Variants in RYR3 observed in about 807,000 individuals in gnomAD.
RYR3 encodes ryanodine receptor 3.
RYR3 carries 207 observed loss-of-function variants against 584.3 expected under a neutral mutation model. The observed-to-expected ratio is 0.35, with a 90% CI of 0.32 to 0.40. The LOEUF is 0.40. Ranked by LOEUF, RYR3 falls within the 10% of genes least tolerant of loss-of-function variation. RYR3 has a pLI of 1.00. For synonymous variants in RYR3, 2,416 were observed against 2,248.5 expected, an observed-to-expected ratio of 1.07 and a Z score of -2.11; for missense variants, 5,616 against 6,089.2, an observed-to-expected ratio of 0.92 and a Z score of 2.59.
At chr15:33,773,452 C>T (rs1326632078) in intron 63 of RYR3, 82 bp from the exon 64 acceptor site, 7 of 907,632 alleles carry the variant, frequency 7.7e-6, no homozygotes, top group Non-Finnish European at 1.2e-5. Flanking sequence ...TACTGATGCT[C>T]ATGCATTTTT....
intron 3 of RYR3, among the ~76,000 whole-genome samples, chr15:33,529,570 T>C (rs903926792): frequency 2.0e-5 from 3 of 152,168 alleles, no homozygotes; most frequent in Non-Finnish European, 4.4e-5. Context: ...GCTAGAATTA[T>C]CTTCATAATT....
At chr15:33,725,690 T>C (rs1596322743) in intron 45 of RYR3, among the ~76,000 whole-genome samples, 1 of 151,322 alleles carries the variant, frequency 6.6e-6, no homozygotes, top group East Asian at 2.0e-4. Context: ...CCAGGCGTGG[T>C]GGTTTACGCC....
intron 1 of RYR3, among the ~76,000 whole-genome samples, chr15:33,360,163 T>C (rs961767870): frequency 6.6e-6 from 1 of 152,170 alleles, no homozygotes; most frequent in Non-Finnish European, 1.5e-5. Flanking sequence ...ATCACTTGAA[T>C]GCAAAAATAG....
rs543509946 is a variant in RYR3 at position 33,841,993 on chromosome 15, C to T, written c.13167C>T (p.Ala4389=). ...TTGAGAAGCCGGAAGCTTTCACAGCCAATTTCTTTAAAGGGCTGGAAATCT... is the reference window on the plus strand; with the variant it reads ...TTGAGAAGCCGGAAGCTTTCACAGCTAATTTCTTTAAAGGGCTGGAAATCT... The part of the protein sequence containing the change: ...QKVEKPEAFT[A]NFFKGLEIYQ... The change falls in exon 91 of 104, where the codon GCC becomes GCT. Residue 4389 remains alanine (A), a synonymous_variant. Transcript: ENST00000634891. The T allele has an allele frequency of 9.0e-5, 145 of 1,603,744 alleles. 1 individual carries two copies. In the East Asian group the frequency reaches 3.0e-3, roughly 34 times the overall value.
chr15:33,702,909 T>A (rs987206966), intron 42 of RYR3, among the ~76,000 whole-genome samples: 1 of 152,112 alleles, frequency 6.6e-6, no homozygotes, highest in African/African-American at 2.4e-5. Flanking sequence ...ACACATTTTT[T>A]TCTTCGTGTC....
intron 1 of RYR3, among the ~76,000 whole-genome samples, chr15:33,425,758 C>T (rs1351088417): frequency 6.6e-6 from 1 of 151,452 alleles, no homozygotes; most frequent in East Asian, 2.0e-4. Context: ...TCTCCTGCCT[C>T]AGCCTCCCGA....
chr15:33,853,469 G>A, intron 95 of RYR3, 86 bp from the exon 96 acceptor site: 1 of 1,500,162 alleles, frequency 6.7e-7, no homozygotes, highest in Non-Finnish European at 9.0e-7. Context: ...TTGCCCATAG[G>A]GCAGCAAAGC....
chr15:33,771,003 A>G (rs1191727311), intron 62 of RYR3, among the ~76,000 whole-genome samples: 1 of 152,226 alleles, frequency 6.6e-6, no homozygotes, highest in Non-Finnish European at 1.5e-5. Context: ...TCAAATCTCC[A>G]TAGCTGATCT....
chr15:33,577,994 C>G (rs1451142075), intron 12 of RYR3, among the ~76,000 whole-genome samples: 1 of 152,132 alleles, frequency 6.6e-6, no homozygotes, highest in Non-Finnish European at 1.5e-5. Context: ...ATGTGGCCAA[C>G]AAACATAGGA....
intron 1 of RYR3, among the ~76,000 whole-genome samples, chr15:33,356,031 A>T (rs764130961): frequency 6.6e-6 from 1 of 152,148 alleles, no homozygotes; most frequent in Non-Finnish European, 1.5e-5. Context: ...TTTCCTGCAG[A>T]TGGATGGCGG....
chr15:33,397,546 A>T (rs570045789), intron 1 of RYR3, among the ~76,000 whole-genome samples: 1 of 152,308 alleles, frequency 6.6e-6, no homozygotes, highest in South Asian at 2.1e-4. Flanking sequence ...TCTCTTGTCC[A>T]ATCAGAGCCG....
At chr15:33,834,648 C>T (rs2152976208) in intron 86 of RYR3, among the ~76,000 whole-genome samples, 1 of 152,222 alleles carries the variant, frequency 6.6e-6, no homozygotes, top group East Asian at 1.9e-4. Flanking sequence ...TGCCCTTCAG[C>T]CCTGTGTCAA....
chr15:33,636,537 C>A lies in RYR3; in HGVS notation c.3543C>A (p.Tyr1181Ter). Residue 1181 changes from tyrosine to a stop codon, truncating the protein, a stop_gained, in exon 27 of 104, where the codon TAC becomes TAA. Transcript: ENST00000634891. LOFTEE classifies it high-confidence loss of function. ...GCTCTGAACTTGCCTTCGCTGACTA[C>A]GAGATTGAGAATGGTAAATCTAACA... Reference protein sequence around the residue: ...NKGSELAFADYEIENGFVPIC... With the variant: ...NKGSELAFAD 1.3e-6 allele frequency: 2 copies of A among 1,592,052 alleles called. No homozygotes were observed. Among genetic ancestry groups the A allele is most frequent in the Non-Finnish European group, 1.7e-6 (2 of 1,170,174 alleles).
At chr15:33,417,161 G>A (rs903046344) in intron 1 of RYR3, among the ~76,000 whole-genome samples, 4 of 152,100 alleles carry the variant, frequency 2.6e-5, no homozygotes, top group Middle Eastern at 3.4e-3. Flanking sequence ...TAGGCTTGCC[G>A]TGGCTATTTG....
At chr15:33,378,448 G>T (rs568091605) in intron 1 of RYR3, among the ~76,000 whole-genome samples, 4 of 152,314 alleles carry the variant, frequency 2.6e-5, no homozygotes, top group African/African-American at 9.6e-5. Flanking sequence ...CAGGCATCTG[G>T]CATTGTAGGT....
chr15:33,665,663 G>C (rs1032684869), intron 36 of RYR3, among the ~76,000 whole-genome samples: 6 of 152,124 alleles, frequency 3.9e-5, no homozygotes, highest in Admixed American at 1.3e-4. Flanking sequence ...GCTGTCTCTT[G>C]GGCTACCATT....
In RYR3 at chr15:33,862,671, C is replaced by T. The variant is rs368444998; in HGVS notation, c.14466-1467C>T. On this transcript the variant is annotated intron_variant, in intron 102 of 103. Transcript: ENST00000634891. ...TGTCACCCAGGCTGAAGTGCAGTGG[C>T]GCCATCTTGGCTCACTGTAGCCTCC... is the stretch of plus-strand genomic sequence containing the variant. 5.3e-5 allele frequency among the ~76,000 whole-genome samples: 8 copies of T among 151,906 alleles called. No homozygotes were observed. The East Asian group carries it at 9.7e-4, about 18-fold the overall frequency.
chr15:33,822,324 C>G (rs1432458033), intron 80 of RYR3, among the ~76,000 whole-genome samples: 1 of 152,114 alleles, frequency 6.6e-6, no homozygotes, highest in Non-Finnish European at 1.5e-5. Context: ...TCAAACAGAC[C>G]CTTGGCATTC....
Position 33,311,124 on chromosome 15 carries a change from GT to G in RYR3, c.51+29del. Reference sequence around the variant, plus strand: ...GAGTCTCCGCGGCGGGGGCGAGGCCGTGGGCAGGTGGGGAGGAGCGCGGAGC... The same window carrying G: ...GAGTCTCCGCGGCGGGGGCGAGGCCGGGGCAGGTGGGGAGGAGCGCGGAGC... On this transcript the variant is annotated intron_variant, in intron 1 of 103. Coordinates refer to ENST00000634891, the MANE Select transcript of RYR3 (RefSeq NM_001036.6). This position sits in a 1 kb window ranked among gnomAD's most constrained non-coding sequence, Gnocchi z 4.4. 1 of 1,540,612 alleles carries G rather than the reference GT, an allele frequency of 6.5e-7. No homozygotes were observed.
Sources: gnomAD v4.1 joint callset for allele counts (sites outside exome capture counted in the v4.1 genomes callset) on GRCh38, gnomAD v4.1.1 for gene constraint, Gnocchi (gnomAD v3.1) non-coding constraint, MANE v1.5 for transcripts, NCBI Gene and HGNC (gene_info 2026-07-23, HGNC 2026-07-21) for gene names.